RLN2: variants seen among roughly 807,000 people sequenced by gnomAD.
RLN2 encodes prorelaxin H2.
A neutral mutation model predicts 7.3 loss-of-function variants in RLN2; 10 were observed. The observed-to-expected ratio is 1.36, with a 90% CI of 0.84 to 2.31. The LOEUF (loss-of-function observed/expected upper bound fraction) is 2.31, where lower values mean the gene tolerates loss of function less well. RLN2 is among the 30% of genes most tolerant of loss of function. The pLI is 0.00. For synonymous variants in RLN2, 103 were observed against 82.3 expected, an observed-to-expected ratio of 1.25 and a Z score of -1.36; for missense variants, 298 against 217.6, an observed-to-expected ratio of 1.37 and a Z score of -2.32.
At chr9:5,336,340 G>C in the RLN2 span, among the ~76,000 whole-genome samples, 1 of 152,012 alleles carries the variant, frequency 6.6e-6, no homozygotes, top group Non-Finnish European at 1.5e-5. Flanking sequence ...TCTGATGTTT[G>C]TTCCAAGGCT....
At chr9:5,331,107 T>C in the RLN2 span, among the ~76,000 whole-genome samples, 45 of 152,066 alleles carry the variant, frequency 3.0e-4, 1 homozygote, top group African/African-American at 9.7e-4. Context: ...CAATAATTAA[T>C]AGCCTACCGA....
chr9:5,332,353 C>G, the RLN2 span, among the ~76,000 whole-genome samples: 1 of 151,788 alleles, frequency 6.6e-6, no homozygotes, highest in South Asian at 2.1e-4. Flanking sequence ...AAAATCTAAT[C>G]AATAAAAGAT....
chr9:5,315,885 C>T, the RLN2 span, among the ~76,000 whole-genome samples: 1 of 151,892 alleles, frequency 6.6e-6, no homozygotes, highest in Non-Finnish European at 1.5e-5. Flanking sequence ...AAAGTCTTCC[C>T]CAGACAAACA....
At chr9:5,317,581 C>T in the RLN2 span, among the ~76,000 whole-genome samples, 6 of 150,112 alleles carry the variant, frequency 4.0e-5, no homozygotes, top group South Asian at 4.3e-4. Context: ...AGAAAAAAAC[C>T]GCACACACAT....
the RLN2 span, among the ~76,000 whole-genome samples, chr9:5,318,020 G>GTGTGTGTGTGTC: frequency 6.6e-6 from 1 of 151,870 alleles, no homozygotes; most frequent in East Asian, 1.9e-4. Context: ...GTGTGTGTGT[G>GTGTGTGTGTGTC]TGTGTGTGTC....
At chr9:5,335,608 T>TA in the RLN2 span, 2,335 of 1,495,026 alleles carry the variant, frequency 1.6e-3, 7 homozygotes, top group Non-Finnish European at 1.7e-3. Flanking sequence ...CTGTTAAGTT[T>TA]AAAAAAAAAG....
chr9:5,315,682 AT>A, the RLN2 span, among the ~76,000 whole-genome samples: 5 of 152,178 alleles, frequency 3.3e-5, no homozygotes, highest in African/African-American at 1.2e-4. Context: ...GACAAAGAGA[AT>A]TTCAAAAGCA....
the RLN2 span, chr9:5,335,509 T>A: frequency 2.9e-5 from 46 of 1,613,292 alleles, no homozygotes; most frequent in East Asian, 1.8e-4. Context: ...CAGATAGGGC[T>A]GCCTTCAGCT....
At chr9:5,321,330 G>C in the RLN2 span, among the ~76,000 whole-genome samples, 1 of 151,936 alleles carries the variant, frequency 6.6e-6, no homozygotes, top group African/African-American at 2.4e-5. Flanking sequence ...ACCTCATCTT[G>C]CACATGGCTT....
chr9:5,316,273 G>C, the RLN2 span, among the ~76,000 whole-genome samples: 1 of 151,492 alleles, frequency 6.6e-6, no homozygotes, highest in African/African-American at 2.4e-5. Flanking sequence ...CTGCTTTTTT[G>C]TTATTACTTT....
the RLN2 span, among the ~76,000 whole-genome samples, chr9:5,324,001 C>A: frequency 6.6e-6 from 1 of 151,894 alleles, no homozygotes; most frequent in African/African-American, 2.4e-5. Context: ...GAGCCAAGAT[C>A]ACACCACTGC....
the RLN2 span, among the ~76,000 whole-genome samples, chr9:5,332,135 G>C: frequency 4.2e-3 from 643 of 152,044 alleles, 6 homozygotes; most frequent in Middle Eastern, 0.038. Context: ...ATCTACGTGT[G>C]TGGAAATGAA....
At chr9:5,336,016 G>A in the RLN2 span, among the ~76,000 whole-genome samples, 6 of 151,590 alleles carry the variant, frequency 4.0e-5, no homozygotes, top group African/African-American at 7.3e-5. Context: ...CTGATATTAC[G>A]AGTTGTAGTA....
At chr9:5,311,381 G>A in the RLN2 span, 2 of 468,600 alleles carry the variant, frequency 4.3e-6, no homozygotes, top group Non-Finnish European at 7.8e-6. Context: ...AAAACAGCCG[G>A]GGCTCTCATT....
At chr9:5,313,155 G>A in the RLN2 span, among the ~76,000 whole-genome samples, 1 of 151,940 alleles carries the variant, frequency 6.6e-6, no homozygotes, top group African/African-American at 2.4e-5. Flanking sequence ...TGATTTTTGT[G>A]TTGCTGAAAG....
At chr9:5,328,846 A>C in the RLN2 span, among the ~76,000 whole-genome samples, 4 of 152,060 alleles carry the variant, frequency 2.6e-5, no homozygotes, top group African/African-American at 9.7e-5. Context: ...TTCATAAGTG[A>C]AGGAGAAATA....
chr9:5,316,706 G>C, the RLN2 span, among the ~76,000 whole-genome samples: 2 of 151,914 alleles, frequency 1.3e-5, no homozygotes, highest in Non-Finnish European at 2.9e-5. Context: ...GTGGGCATTT[G>C]GGTTGGTTCC....
rs778023272 is a variant in RLN2, at chr9:5,300,395, C to T, written c.261G>A (p.Met87Ile). 2.5e-6 allele frequency: 4 copies of T among 1,611,734 alleles called. No homozygotes were observed. The Admixed American group carries it at 6.7e-5, about 27-fold the overall frequency. The change falls in exon 2 of 2, where the codon ATG becomes ATA. Residue 87 changes from methionine to isoleucine, a missense_variant. Coordinates refer to ENST00000381627, the MANE Select transcript of RLN2 (RefSeq NM_134441.3). ...GTGGCAAATTAGCAACAAATTCTGA[C>T]ATCATATTTATGGTTTCTGTATCTT... is the stretch of plus-strand genomic sequence containing the variant. ...INKDTETINMMSEFVANLPQE... is the reference protein window; with the variant it reads ...INKDTETINMISEFVANLPQE...
chr9:5,336,191 T>C, the RLN2 span, among the ~76,000 whole-genome samples: 1 of 152,020 alleles, frequency 6.6e-6, no homozygotes, highest in African/African-American at 2.4e-5. Context: ...CAATTTGTCT[T>C]CCCCAGACTA....
Sources: allele counts gnomAD v4.1 joint callset (sites outside exome capture counted in the v4.1 genomes callset), GRCh38; gene constraint gnomAD v4.1.1; transcripts MANE v1.5; gene names NCBI Gene and HGNC (gene_info 2026-07-23, HGNC 2026-07-21).